Variants in FAT4 observed in about 807,000 individuals in gnomAD.
FAT4 encodes the protein FAT atypical cadherin 4, also known as protocadherin Fat 4.
A neutral mutation model predicts 303.9 loss-of-function variants in FAT4; 84 were observed. That is an observed-to-expected ratio of 0.28 (90% CI 0.23 to 0.33). FAT4 has a LOEUF of 0.33. FAT4 is among the 10% of genes least tolerant of loss of function. The pLI is 1.00. For synonymous variants in FAT4, 2,307 were observed against 2,298.8 expected (o/e 1.00, Z -0.10); for missense variants, 6,005 against 6,146.8 (o/e 0.98, Z 0.77).
At chr4:125,448,198 T>C (rs763709136) in intron 9 of FAT4, among the ~76,000 whole-genome samples, 73 of 152,216 alleles carry the variant, frequency 4.8e-4, no homozygotes, top group South Asian at 2.1e-3. Context: ...TAGGCTTCTC[T>C]CAAAGGCATA....
chr4:125,487,627 G>C (rs376014883), intron 17 of FAT4, 21 bp downstream of exon 17: 1 of 1,561,432 alleles, frequency 6.4e-7, no homozygotes, highest in African/African-American at 1.4e-5. Flanking sequence ...TTATTAAGTA[G>C]AGTCACAAGG....
chr4:125,345,760 T>C (rs138270360), intron 2 of FAT4, among the ~76,000 whole-genome samples: 36 of 152,172 alleles, frequency 2.4e-4, no homozygotes, highest in African/African-American at 8.2e-4. Flanking sequence ...GATTTACCCT[T>C]AAAATGATCT....
At chr4:125,395,974 G>A (rs1038027687) in intron 2 of FAT4, among the ~76,000 whole-genome samples, 1 of 152,140 alleles carries the variant, frequency 6.6e-6, no homozygotes, top group African/African-American at 2.4e-5. Context: ...TTTTGACAGA[G>A]AGAGATTGAT....
At chr4:125,416,755 G>C (rs987746766) in intron 7 of FAT4, 133 bp downstream of exon 7, 4 of 759,818 alleles carry the variant, frequency 5.3e-6, no homozygotes, top group Admixed American at 4.9e-5. Flanking sequence ...AGACCAGCCT[G>C]ACCAACATGG....
At chr4:125,460,282 A>AT (rs1444158001) in intron 10 of FAT4, among the ~76,000 whole-genome samples, 2 of 151,914 alleles carry the variant, frequency 1.3e-5, no homozygotes, top group Admixed American at 6.6e-5. Context: ...CATTTTATCT[A>AT]TTTTTTTAAC....
chr4:125,385,643 C>T (rs1733719438), intron 2 of FAT4, among the ~76,000 whole-genome samples: 1 of 152,062 alleles, frequency 6.6e-6, no homozygotes. Flanking sequence ...AAAAAATCAT[C>T]AAACCGTATT....
At chr4:125,329,172 C>T (rs1731275048) in intron 2 of FAT4, among the ~76,000 whole-genome samples, 1 of 152,032 alleles carries the variant, frequency 6.6e-6, no homozygotes, top group African/African-American at 2.4e-5. Context: ...TATTTTCTTC[C>T]CTTTGCAGCA....
At position 125,476,200 on chromosome 4, in the gene FAT4, T is replaced by G; in HGVS notation, c.12243T>G (p.Ser4081=). 6.2e-7 allele frequency: 1 copy of G among 1,603,268 alleles called. No homozygotes were observed. The highest frequency in any genetic ancestry group is 8.5e-7 in the Non-Finnish European group (1 of 1,172,680). The part of the protein sequence containing the change: ...MAASLTVDSC[S]ENQEPGYCTV... Reference sequence around the variant, plus strand: ...CCTCCTTAACTGTGGACTCCTGTTCTGAGAACCAAGAGCCAGGATATTGTA... The same window carrying G: ...CCTCCTTAACTGTGGACTCCTGTTCGGAGAACCAAGAGCCAGGATATTGTA... Residue 4081 remains serine (S), a synonymous_variant, in exon 13 of 18, where the codon TCT becomes TCG. Transcript: ENST00000394329.
At chr4:125,406,580 A>G (rs1400303429) in intron 3 of FAT4, among the ~76,000 whole-genome samples, 1 of 152,198 alleles carries the variant, frequency 6.6e-6, no homozygotes, top group East Asian at 1.9e-4. Flanking sequence ...TGTAAATTGC[A>G]TAGATAACAT....
Position 125,476,159 on chromosome 4 carries a change from C to T in FAT4, c.12214-12C>T. ...AACTCAAAGTTGAATGTTTCTTTCT[C>T]TTGCTTCGTAGGCAGCCTCCTTAAC... On this transcript the variant is annotated splice_polypyrimidine_tract_variant and intron_variant, in intron 12 of 17. Coordinates refer to ENST00000394329, the MANE Select transcript of FAT4 (RefSeq NM_001291303.3). The T allele has an allele frequency of 6.4e-7, 1 of 1,561,518 alleles. No individual in the cohort carries two copies. The highest frequency in any genetic ancestry group is 8.8e-7 in the Non-Finnish European group (1 of 1,139,260).
chr4:125,442,778 A>G (rs956523656), intron 8 of FAT4, among the ~76,000 whole-genome samples: 4 of 152,104 alleles, frequency 2.6e-5, no homozygotes, highest in Non-Finnish European at 5.9e-5. Context: ...TACTCAACCT[A>G]TGTATAGATA....
chr4:125,413,577 T>G (rs1009257702), intron 5 of FAT4, among the ~76,000 whole-genome samples: 3 of 141,936 alleles, frequency 2.1e-5, no homozygotes, highest in Non-Finnish European at 1.5e-5. Flanking sequence ...CAAAGGATAT[T>G]AGAGACAGTA....
Position 125,485,244 on chromosome 4 carries a change from ATTAACT to A in FAT4, c.12823-2097_12823-2092del, listed in dbSNP as rs532088288. ...CAAAAATATTTTTCTTCAATAATAA[ATTAACT>A]TTAGCTTACTGTAACTCTTTTAGTT... On this transcript the variant is annotated intron_variant, in intron 16 of 17. Transcript: ENST00000394329. Among the ~76,000 whole-genome samples the A allele has an allele frequency of 8.6e-4, 130 of 151,256 alleles. 1 individual carries two copies. Among genetic ancestry groups the A allele is most frequent in the African/African-American group, 3.0e-3 (122 of 41,210 alleles).
At chr4:125,391,884 A>T (rs1230809227) in intron 2 of FAT4, among the ~76,000 whole-genome samples, 1 of 152,148 alleles carries the variant, frequency 6.6e-6, no homozygotes, top group Non-Finnish European at 1.5e-5. Context: ...CATTTGCTGA[A>T]TATGGGACTT....
chr4:125,404,221 A>G (rs1009905712), intron 3 of FAT4, among the ~76,000 whole-genome samples: 8 of 152,098 alleles, frequency 5.3e-5, no homozygotes, highest in Non-Finnish European at 8.8e-5. Context: ...CTGTTTCAGC[A>G]ACTTGGGGGA....
chr4:125,351,836 A>C (rs949151087), intron 2 of FAT4, among the ~76,000 whole-genome samples: 11 of 151,650 alleles, frequency 7.3e-5, no homozygotes, highest in Admixed American at 6.6e-4. Flanking sequence ...CATCCTAAGA[A>C]AGATGAATTC....
intron 2 of FAT4, among the ~76,000 whole-genome samples, chr4:125,375,222 T>G (rs530390221): frequency 6.6e-6 from 1 of 152,338 alleles, no homozygotes; most frequent in South Asian, 2.1e-4. Context: ...TTAGGTTCCC[T>G]CATGGTGACT....
intron 2 of FAT4, among the ~76,000 whole-genome samples, chr4:125,333,932 C>G (rs962762327): frequency 6.6e-6 from 1 of 151,992 alleles, no homozygotes; most frequent in East Asian, 1.9e-4. Context: ...GAATCAATAC[C>G]AAGTAAAGGT....
chr4:125,450,118 G>T lies in FAT4; in HGVS notation c.9108G>T (p.Leu3036Phe), dbSNP rs755015954. The T allele has an allele frequency of 6.8e-6, 11 of 1,613,700 alleles. No individual in the cohort carries two copies. Among genetic ancestry groups the T allele is most frequent in the Non-Finnish European group, 9.3e-6 (11 of 1,179,932 alleles). ...ATAACCATTTAGGAAAATTTAAGTT[G>T]GACAATGATACGGGGTGGATTTCAG... ...SNDNHLGKFK[L>F]DNDTGWISVA... The change falls in exon 10 of 18, where the codon TTG becomes TTT. Residue 3036 changes from leucine (L) to phenylalanine (F), a missense_variant. Leu to Phe is a conservative substitution (Grantham distance 22, BLOSUM62 0). Transcript: ENST00000394329.
Sources: gnomAD v4.1 joint callset for allele counts (sites outside exome capture counted in the v4.1 genomes callset) on GRCh38, gnomAD v4.1.1 for gene constraint, MANE v1.5 for transcripts, NCBI Gene and HGNC (gene_info 2026-07-23, HGNC 2026-07-21) for gene names.